Variants in CSF2RA observed in about 807,000 individuals in gnomAD.
CSF2RA encodes the protein granulocyte-macrophage colony-stimulating factor receptor subunit alpha.
In CSF2RA, 42 loss-of-function variants were observed where a neutral mutation model predicts 51.6. That is an observed-to-expected ratio of 0.81 (90% CI 0.64 to 1.05). CSF2RA has a LOEUF of 1.05. Among genes scored for constraint, CSF2RA ranks in the 50% least tolerant of loss-of-function variants. The pLI is 0.00. For missense variants in CSF2RA, 530 were observed against 501.1 expected, an observed-to-expected ratio of 1.06 and a Z score of -0.55; for synonymous variants, 222 against 193.0, an observed-to-expected ratio of 1.15 and a Z score of -1.24.
At chrX:1,295,745 G>A (rs1409582327) in intron 9 of CSF2RA, among the ~76,000 whole-genome samples, 1 of 149,742 alleles carries the variant, frequency 6.7e-6, no homozygotes, top group East Asian at 2.0e-4. Flanking sequence ...CCTCCACAGA[G>A]ACCCAGTATA....
chrX:1,291,349 C>T (rs1251855716), intron 7 of CSF2RA, among the ~76,000 whole-genome samples: 7 of 146,790 alleles, frequency 4.8e-5, no homozygotes, highest in African/African-American at 1.5e-4. Context: ...CTCCCTTCTT[C>T]CTTCCCTCCC....
downstream of CSF2RA, among the ~76,000 whole-genome samples, chrX:1,314,391 A>C (rs2084364424): frequency 6.7e-6 from 1 of 149,900 alleles, no homozygotes; most frequent in African/African-American, 2.5e-5. Flanking sequence ...GTGCCTGCCC[A>C]ACCACACTGC....
At chrX:1,301,331 C>CAAAAAAAAAA (rs1156943650) in intron 10 of CSF2RA, among the ~76,000 whole-genome samples, 11 of 62,676 alleles carry the variant, frequency 1.8e-4, no homozygotes, top group African/African-American at 2.4e-4. Context: ...GACTCTGTCT[C>CAAAAAAAAAA]AAAAAAAAAA....
At chrX:1,324,780 G>A in the CSF2RA span, among the ~76,000 whole-genome samples, 8 of 152,042 alleles carry the variant, frequency 5.3e-5, no homozygotes, top group Admixed American at 4.6e-4. Context: ...GACGCACGCA[G>A]GGAAAGCTGT....
At chrX:1,293,035 C>T (rs1420121503) in intron 7 of CSF2RA, among the ~76,000 whole-genome samples, 1 of 152,154 alleles carries the variant, frequency 6.6e-6, no homozygotes, top group Non-Finnish European at 1.5e-5. Flanking sequence ...ACCAAGCATG[C>T]TGCCTGCAAA....
In CSF2RA at chrX:1,283,131, C is replaced by G. The variant is rs866395622; in HGVS notation, c.76+352C>G. ...CGTTCCTTCGTTCCTTCGTTCCTTC[C>G]TTCCTTCCTTCCTTCCTTCCTTCGT... On this transcript the variant is annotated intron_variant, in intron 3 of 12. Coordinates refer to ENST00000381529, the MANE Select transcript of CSF2RA (RefSeq NM_172245.4). Among the ~76,000 whole-genome samples the G allele has an allele frequency of 1.3e-3, 84 of 65,460 alleles. 3 individuals are homozygous for G. In the Middle Eastern group the frequency reaches 0.052, roughly 41 times the overall value. 42.9% of individuals were successfully genotyped at this position (65,460 alleles called of 152,430 possible).
downstream of CSF2RA, among the ~76,000 whole-genome samples, chrX:1,311,335 C>T (rs1326081881): frequency 2.6e-5 from 4 of 152,056 alleles, no homozygotes; most frequent in Non-Finnish European, 5.9e-5. Flanking sequence ...CACCAGCTCC[C>T]CTTCCTCTCC....
downstream of CSF2RA, among the ~76,000 whole-genome samples, chrX:1,310,744 G>T (rs1406985076): frequency 6.6e-6 from 1 of 151,926 alleles, no homozygotes; most frequent in Non-Finnish European, 1.5e-5. Flanking sequence ...AGTAGGTCCG[G>T]TTCCTTCTGG....
chrX:1,286,715 G>A (rs1250722797), intron 4 of CSF2RA, among the ~76,000 whole-genome samples: 2 of 152,188 alleles, frequency 1.3e-5, no homozygotes, highest in African/African-American at 4.8e-5. Flanking sequence ...TCCACAATGT[G>A]TACCAGAGCC....
chrX:1,323,340 C>G, the CSF2RA span, among the ~76,000 whole-genome samples: 2 of 151,436 alleles, frequency 1.3e-5, no homozygotes, highest in South Asian at 4.2e-4. Context: ...ATGGTGAAAC[C>G]CCGTCTCAGG....
In CSF2RA at chrX:1,307,957, C is replaced by A. The variant is rs770304605; in HGVS notation, c.1126-1445C>A. On this transcript the variant is annotated intron_variant, in intron 12 of 12. Transcript: ENST00000381529. ...ATTAGATGAAGCCCACCCTTCCCCC[C>A]TTCCCCTTTAGACCTTCAGCTTATT... is the stretch of plus-strand genomic sequence containing the variant. 4.6e-5 allele frequency among the ~76,000 whole-genome samples: 7 copies of A among 151,540 alleles called. No individual in the cohort carries two copies. The South Asian group carries it at 1.5e-3, about 32-fold the overall frequency.
chrX:1,269,042 G>A (rs1344809287), intron 1 of CSF2RA, among the ~76,000 whole-genome samples, 163 bp downstream of exon 1: 15 of 152,176 alleles, frequency 9.9e-5, no homozygotes, highest in Non-Finnish European at 2.2e-4. Context: ...AAGACTGAGA[G>A]CCAAGGAACC....
intron 2 of CSF2RA, among the ~76,000 whole-genome samples, chrX:1,276,168 ATTTT>A (rs2089165529): frequency 8.5e-6 from 1 of 117,686 alleles, no homozygotes; most frequent in South Asian, 2.5e-4. Flanking sequence ...GCCTGGCTAA[ATTTT>A]GTTTGTTTGT....
intron 2 of CSF2RA, among the ~76,000 whole-genome samples, chrX:1,278,698 A>AT (rs752566733): frequency 0.19 from 28,317 of 147,152 alleles, 3,804 homozygotes; most frequent in East Asian, 0.3. Context: ...AAAAAAAAAA[A>AT]TTCAGGGCAA....
intron 4 of CSF2RA, among the ~76,000 whole-genome samples, chrX:1,286,570 CAAA>C (rs751865388): frequency 2.2e-4 from 31 of 142,868 alleles, no homozygotes; most frequent in Middle Eastern, 3.5e-3. Context: ...ACTCTGTCTC[CAAA>C]AAAAAAAAAA....
chrX:1,278,941 G>A (rs1426755415), intron 2 of CSF2RA, among the ~76,000 whole-genome samples: 5 of 150,784 alleles, frequency 3.3e-5, no homozygotes, highest in African/African-American at 1.2e-4. Flanking sequence ...GGAGGCTGAG[G>A]CAGTAGAATC....
intron 2 of CSF2RA, among the ~76,000 whole-genome samples, chrX:1,277,993 A>G (rs1336140192): frequency 4.3e-5 from 6 of 141,114 alleles, no homozygotes; most frequent in Non-Finnish European, 9.2e-5. Context: ...AAAAAAAAAA[A>G]TTTCAGGGCG....
Position 1,294,401 on chromosome X carries a change from C to T in CSF2RA, c.720C>T (p.Pro240=), listed in dbSNP as rs374740753. Residue 240 remains proline, a synonymous_variant, in exon 8 of 13, where the codon CCC becomes CCT. Transcript: ENST00000381529. ...ACTGCCTCGTACGGTGGAAACAGCC[C>T]AGGACCTATCAGAAGCTGTCGTACC... ...TTHCLVRWKQ[P]RTYQKLSYLD... The T allele has an allele frequency of 3.0e-5, 48 of 1,613,830 alleles. No individual in the cohort carries two copies. Among genetic ancestry groups the T allele is most frequent in the African/African-American group, 6.7e-5 (5 of 74,928 alleles).
intron 4 of CSF2RA, chrX:1,287,121 C>CTT (rs1396132242): frequency 2.1e-5 from 3 of 142,738 alleles, no homozygotes; most frequent in Non-Finnish European, 4.6e-5. Context: ...GATGGGTGGT[C>CTT]TTGCTATGTT....
Sources: gnomAD v4.1 joint callset for allele counts (sites outside exome capture counted in the v4.1 genomes callset) on GRCh38, gnomAD v4.1.1 for gene constraint, MANE v1.5 for transcripts, NCBI Gene and HGNC (gene_info 2026-07-23, HGNC 2026-07-21) for gene names.